VWA3B: variants seen among roughly 807,000 people sequenced by gnomAD.
VWA3B encodes von Willebrand factor A domain-containing protein 3B.
VWA3B carries 138 observed loss-of-function variants against 158.3 expected under a neutral mutation model. The observed-to-expected ratio is 0.87, with a 90% confidence interval of 0.76 to 1.00. The LOEUF (loss-of-function observed/expected upper bound fraction) is 1.00. Among genes scored for constraint, VWA3B ranks in the 50% least tolerant of loss-of-function variants. The pLI is 0.00. For synonymous variants in VWA3B, 596 were observed against 587.3 expected (o/e 1.01, Z -0.21); for missense variants, 1,555 against 1,565.1 (o/e 0.99, Z 0.11).
the VWA3B span, among the ~76,000 whole-genome samples, chr2:98,329,012 G>C: frequency 5.9e-5 from 9 of 152,120 alleles, no homozygotes; most frequent in East Asian, 1.3e-3. Context: ...ATGAAAAATA[G>C]TCCAAAAAAG....
intron 16 of VWA3B, among the ~76,000 whole-genome samples, chr2:98,232,448 T>C (rs866273708): frequency 3.3e-5 from 5 of 152,230 alleles, no homozygotes; most frequent in Non-Finnish European, 7.3e-5. Context: ...TAATTAATTG[T>C]TGAAGCACTT....
At chr2:98,099,954 T>C (rs1050158765) in intron 2 of VWA3B, among the ~76,000 whole-genome samples, 12 of 152,212 alleles carry the variant, frequency 7.9e-5, no homozygotes, top group Admixed American at 5.2e-4. Context: ...TGGTAACTTA[T>C]GGTTTTCCTT....
chr2:98,257,309 CT>C (rs1412169175), intron 21 of VWA3B, among the ~76,000 whole-genome samples: 2 of 151,866 alleles, frequency 1.3e-5, no homozygotes, highest in African/African-American at 2.4e-5. Flanking sequence ...GATTTTGTTC[CT>C]TTTTTTGGCT....
chr2:98,110,216 T>G (rs1373113601), intron 2 of VWA3B, among the ~76,000 whole-genome samples: 1 of 152,130 alleles, frequency 6.6e-6, no homozygotes, highest in Non-Finnish European at 1.5e-5. Context: ...CTCAGGCTAT[T>G]TTTTCCCTCT....
intron 14 of VWA3B, among the ~76,000 whole-genome samples, chr2:98,222,126 C>G (rs1181988232): frequency 6.6e-6 from 1 of 152,120 alleles, no homozygotes; most frequent in East Asian, 1.9e-4. Flanking sequence ...GACTGAGGCT[C>G]CACTTCCGTT....
intron 8 of VWA3B, among the ~76,000 whole-genome samples, chr2:98,169,731 G>C (rs1679418303): frequency 6.6e-6 from 1 of 150,770 alleles, no homozygotes; most frequent in Non-Finnish European, 1.5e-5. Context: ...GTGTGTGTGT[G>C]TGTGTGTGTG....
chr2:98,288,079 G>T (rs1026217045), intron 22 of VWA3B, among the ~76,000 whole-genome samples: 1 of 152,070 alleles, frequency 6.6e-6, no homozygotes. Context: ...CTAATTCAAG[G>T]TCTTGATCTG....
intron 14 of VWA3B, 138 bp downstream of exon 14, chr2:98,218,166 A>C: frequency 1.1e-6 from 1 of 922,162 alleles, no homozygotes; most frequent in Non-Finnish European, 1.5e-6. Context: ...CTTAACAATG[A>C]GTGTACCAGT....
chr2:98,123,262 C>T, intron 5 of VWA3B, among the ~76,000 whole-genome samples: 1 of 152,216 alleles, frequency 6.6e-6, no homozygotes, highest in East Asian at 1.9e-4. Context: ...ACTGTTCCTA[C>T]TGATGACAGC....
intron 13 of VWA3B, chr2:98,212,248 A>G: frequency 2.2e-6 from 1 of 450,468 alleles, no homozygotes; most frequent in Non-Finnish European, 4.0e-6. Flanking sequence ...TTGCCTGGTG[A>G]GTGTGACACA....
chr2:98,211,595 A>G (rs1382963680), intron 12 of VWA3B, among the ~76,000 whole-genome samples: 3 of 152,236 alleles, frequency 2.0e-5, no homozygotes, highest in Non-Finnish European at 4.4e-5. Flanking sequence ...TTTAGGCTGC[A>G]TGTTTAAGCT....
rs772366297 is a variant in VWA3B, at chr2:98,119,593, C to G, written c.372C>G (p.Asp124Glu). Residue 124 changes from aspartate (D) to glutamate (E), a missense_variant, in exon 4 of 28, where the codon GAC becomes GAG. By Grantham distance (45) the Asp-to-Glu change is conservative. Coordinates refer to ENST00000477737, the MANE Select transcript of VWA3B (RefSeq NM_144992.5). ...TGGAGAGCTACAAGCAGCGAATGGA[C>G]TGGCTCACCAGCAAGAGCCGGCAGA... Reference protein sequence around the residue: ...QAVESYKQRMDWLTSKSRQIF... With the variant: ...QAVESYKQRMEWLTSKSRQIF... The G allele has an allele frequency of 6.8e-6, 11 of 1,613,964 alleles. No homozygotes were observed. The highest frequency in any genetic ancestry group is 9.3e-6 in the Non-Finnish European group (11 of 1,180,034).
At chr2:98,258,857 C>G (rs1458684368) in intron 21 of VWA3B, among the ~76,000 whole-genome samples, 3 of 151,736 alleles carry the variant, frequency 2.0e-5, no homozygotes, top group Non-Finnish European at 4.4e-5. Context: ...GCTAGTACTT[C>G]CAGAACAACA....
intron 8 of VWA3B, among the ~76,000 whole-genome samples, chr2:98,178,745 G>C (rs1382861009): frequency 6.6e-6 from 1 of 152,096 alleles, no homozygotes; most frequent in Non-Finnish European, 1.5e-5. Flanking sequence ...TCCCAAACCA[G>C]TTAAAATAGA....
intron 22 of VWA3B, among the ~76,000 whole-genome samples, chr2:98,289,483 A>G (rs886300974): frequency 1.3e-5 from 2 of 152,244 alleles, no homozygotes; most frequent in African/African-American, 4.8e-5. Flanking sequence ...CAGAACTTTG[A>G]AAGCTCTACC....
intron 2 of VWA3B, among the ~76,000 whole-genome samples, chr2:98,112,318 G>A (rs1336167509): frequency 2.0e-5 from 3 of 151,684 alleles, no homozygotes; most frequent in Admixed American, 1.3e-4. Context: ...GTGTGTGTGT[G>A]TGTGTGTTTT....
At chr2:98,257,404 T>A (rs1280281103) in intron 21 of VWA3B, among the ~76,000 whole-genome samples, 1 of 152,050 alleles carries the variant, frequency 6.6e-6, no homozygotes, top group Non-Finnish European at 1.5e-5. Flanking sequence ...TGATTCCATA[T>A]CTTGCTGCAA....
Position 98,311,888 on chromosome 2 carries a change from C to G in VWA3B, c.3591C>G (p.Ser1197=). 6.2e-7 allele frequency: 1 copy of G among 1,612,170 alleles called. No individual in the cohort carries two copies. Among genetic ancestry groups the G allele is most frequent in the Non-Finnish European group, 8.5e-7 (1 of 1,179,232 alleles). The change falls in exon 27 of 28, where the codon TCC becomes TCG. Residue 1197 remains serine, a synonymous_variant. Coordinates refer to ENST00000477737, the MANE Select transcript of VWA3B (RefSeq NM_144992.5). ...TGAAAGAAGCGGACACGCAGGATTC[C>G]AGAGAGCCAAGACGAGAGAAGCCCA... ...WPLKEADTQD[S]REPRREKPRR...
chr2:98,210,424 C>T (rs1683414630), intron 12 of VWA3B, among the ~76,000 whole-genome samples: 1 of 152,192 alleles, frequency 6.6e-6, no homozygotes, highest in Admixed American at 6.5e-5. Context: ...TCCTATGAAC[C>T]CCCTTCAAGG....
Sources: gnomAD v4.1 joint callset for allele counts (sites outside exome capture counted in the v4.1 genomes callset) on GRCh38, gnomAD v4.1.1 for gene constraint, MANE v1.5 for transcripts, NCBI Gene and HGNC (gene_info 2026-07-23, HGNC 2026-07-21) for gene names.